Variants in KIAA0825 observed in about 807,000 individuals in gnomAD.
KIAA0825 encodes uncharacterized protein KIAA0825.
Under a neutral mutation model 147.6 loss-of-function variants are expected in KIAA0825, and 119 were observed. The ratio of observed to expected loss-of-function variants is 0.81; its 90% CI spans 0.69 to 0.94. The LOEUF is 0.94. KIAA0825 is among the 40% of genes least tolerant of loss of function. The pLI, the probability that KIAA0825 is intolerant of heterozygous loss-of-function variation, is 0.00. For synonymous variants in KIAA0825, 470 were observed against 518.1 expected, an observed-to-expected ratio of 0.91 and a Z score of 1.26; for missense variants, 1,381 against 1,472.7, an observed-to-expected ratio of 0.94 and a Z score of 1.02.
At chr5:94,593,382 A>G in intron 1 of KIAA0825, 1 of 1,009,136 alleles carries the variant, frequency 9.9e-7, no homozygotes, top group Admixed American at 2.0e-5. Context: ...CTTTAATATC[A>G]CGACATTTTC....
intron 10 of KIAA0825, among the ~76,000 whole-genome samples, chr5:94,468,104 TCC>T (rs1760774468): frequency 6.6e-6 from 1 of 152,208 alleles, no homozygotes. Flanking sequence ...TCTGGTTATT[TCC>T]GTCTTTGAAG....
chr5:94,290,922 G>T (rs1461794514), intron 20 of KIAA0825, among the ~76,000 whole-genome samples: 1 of 152,074 alleles, frequency 6.6e-6, no homozygotes, highest in Non-Finnish European at 1.5e-5. Context: ...TTGGCCACAT[G>T]AATGTCTTCT....
intron 15 of KIAA0825, among the ~76,000 whole-genome samples, chr5:94,404,868 G>A (rs773419944): frequency 7.9e-5 from 12 of 152,090 alleles, no homozygotes; most frequent in Non-Finnish European, 5.9e-5. Flanking sequence ...GAGGGGCTTC[G>A]GTGTCCTCAT....
intron 20 of KIAA0825, among the ~76,000 whole-genome samples, chr5:94,257,883 A>G (rs1219495963): frequency 8.5e-5 from 13 of 152,072 alleles, no homozygotes; most frequent in Non-Finnish European, 7.4e-5. Flanking sequence ...TACATTCCCA[A>G]TCATGAAATG....
intron 14 of KIAA0825, among the ~76,000 whole-genome samples, chr5:94,418,878 C>A (rs75522870): frequency 0.1 from 15,935 of 151,862 alleles, 1,227 homozygotes; most frequent in African/African-American, 0.23. Context: ...GCCCTCCCAC[C>A]CCCTTTTATT....
At chr5:94,516,432 G>C (rs1767243060) in intron 5 of KIAA0825, among the ~76,000 whole-genome samples, 1 of 152,168 alleles carries the variant, frequency 6.6e-6, no homozygotes, top group Non-Finnish European at 1.5e-5. Context: ...TCATAACTGA[G>C]TTCTGAATCA....
chr5:94,300,169 ATAAT>A (rs762007919), intron 20 of KIAA0825, among the ~76,000 whole-genome samples: 5 of 152,180 alleles, frequency 3.3e-5, no homozygotes, highest in African/African-American at 1.2e-4. Context: ...ATATTTAAAA[ATAAT>A]TAATTGTTAA....
intron 1 of KIAA0825, chr5:94,593,593 T>C (rs1312351799): frequency 1.9e-6 from 1 of 532,514 alleles, no homozygotes. Context: ...ATCAACTATG[T>C]TATTGATGTC....
At chr5:94,385,901 T>G (rs1749074565) in intron 19 of KIAA0825, among the ~76,000 whole-genome samples, 1 of 152,108 alleles carries the variant, frequency 6.6e-6, no homozygotes, top group Non-Finnish European at 1.5e-5. Context: ...TGTGAGTGTG[T>G]GTATTGGGGG....
At chr5:94,262,861 T>C (rs1309019593) in intron 20 of KIAA0825, among the ~76,000 whole-genome samples, 3 of 152,068 alleles carry the variant, frequency 2.0e-5, no homozygotes, top group African/African-American at 4.8e-5. Context: ...AGTGGAGATA[T>C]AGTTTCCCAG....
chr5:94,567,991 C>T (rs1431098606), intron 2 of KIAA0825: 2 of 160,400 alleles, frequency 1.2e-5, no homozygotes, highest in African/African-American at 2.4e-5. Context: ...CCACCCTGTT[C>T]GCAGCAGTCT....
chr5:94,366,194 G>A (rs932883072), intron 20 of KIAA0825, among the ~76,000 whole-genome samples: 19 of 152,152 alleles, frequency 1.2e-4, no homozygotes, highest in Non-Finnish European at 2.6e-4. Flanking sequence ...CCACACAGCC[G>A]GCTCTGTGTG....
chr5:94,558,245 A>G (rs1466099063), intron 2 of KIAA0825, among the ~76,000 whole-genome samples: 2 of 152,094 alleles, frequency 1.3e-5, no homozygotes, highest in Admixed American at 1.3e-4. Flanking sequence ...CATTTTGGAA[A>G]CAGCCCGCCA....
intron 20 of KIAA0825, among the ~76,000 whole-genome samples, chr5:94,323,065 T>A (rs1047020640): frequency 3.9e-5 from 6 of 151,904 alleles, no homozygotes; most frequent in Non-Finnish European, 7.4e-5. Context: ...TAAACAAAAC[T>A]AAGGCCTATT....
chr5:94,326,046 A>T (rs1168120756), intron 20 of KIAA0825, among the ~76,000 whole-genome samples: 1 of 152,138 alleles, frequency 6.6e-6, no homozygotes, highest in East Asian at 1.9e-4. Flanking sequence ...TCCATAAAAT[A>T]AGTGATATAT....
intron 20 of KIAA0825, among the ~76,000 whole-genome samples, chr5:94,165,400 C>G (rs1304240893): frequency 2.0e-5 from 3 of 152,164 alleles, no homozygotes; most frequent in African/African-American, 7.2e-5. Context: ...CCCTTGTACA[C>G]TGTTAGTGGG....
At chr5:94,477,853 TAATA>T (rs1401082187) in intron 6 of KIAA0825, among the ~76,000 whole-genome samples, 1 of 152,190 alleles carries the variant, frequency 6.6e-6, no homozygotes, top group Non-Finnish European at 1.5e-5. Flanking sequence ...TATAAAAATG[TAATA>T]AATAACTACT....
chr5:94,303,792 C>G (rs1778550545), intron 20 of KIAA0825, among the ~76,000 whole-genome samples: 1 of 151,948 alleles, frequency 6.6e-6, no homozygotes, highest in Admixed American at 6.6e-5. Flanking sequence ...GTGAGGCTCC[C>G]CTGCACCACT....
At chr5:94,354,798 C>T (rs1017853261) in intron 20 of KIAA0825, among the ~76,000 whole-genome samples, 1 of 152,180 alleles carries the variant, frequency 6.6e-6, no homozygotes, top group African/African-American at 2.4e-5. Context: ...GTATAAAAAT[C>T]TCAACGAAAA....
Sources: gnomAD v4.1 joint callset for allele counts (sites outside exome capture counted in the v4.1 genomes callset) on GRCh38, gnomAD v4.1.1 for gene constraint, MANE v1.5 for transcripts, NCBI Gene and HGNC (gene_info 2026-07-23, HGNC 2026-07-21) for gene names.